PIR: variants seen among roughly 807,000 people sequenced by gnomAD.
PIR encodes pirin (iron-binding nuclear protein).
A neutral mutation model predicts 24.2 loss-of-function variants in PIR; 22 were observed. The observed-to-expected ratio is 0.91, with a 90% CI of 0.65 to 1.30. PIR has a LOEUF of 1.30. Among genes scored for constraint, PIR ranks in the 50% most tolerant of loss-of-function variants. PIR has a pLI of 0.00. For synonymous variants in PIR, 80 were observed against 79.6 expected (o/e 1.00, Z -0.03); for missense variants, 220 against 220.3 (o/e 1.00, Z 0.01).
intron 5 of PIR, among the ~76,000 whole-genome samples, chrX:15,431,514 T>C (rs188635270): frequency 1.4e-3 from 158 of 111,462 alleles, no homozygotes; most frequent in African/African-American, 4.9e-3. Flanking sequence ...TTCAACTCTT[T>C]ATGTGCTCTA....
At chrX:15,433,560 AAG>A (rs1165457148) in intron 5 of PIR, among the ~76,000 whole-genome samples, 8 of 100,780 alleles carry the variant, frequency 7.9e-5, no homozygotes, top group Admixed American at 1.1e-4. Flanking sequence ...GAAAGAAAGA[AAG>A]AGAGAGAAAG....
At chrX:15,390,423 G>A (rs1211669198) in intron 8 of PIR, among the ~76,000 whole-genome samples, 172 bp from the exon 9 acceptor site, 3 of 111,314 alleles carry the variant, frequency 2.7e-5, no homozygotes, top group East Asian at 2.8e-4. Context: ...TATTTCTTAC[G>A]TTGTTTAGTA....
intron 7 of PIR, among the ~76,000 whole-genome samples, chrX:15,404,892 C>T (rs1924506306): frequency 1.8e-5 from 2 of 111,430 alleles, no homozygotes; most frequent in African/African-American, 6.5e-5. Context: ...CTTCACAGTC[C>T]AGTTTATTCT....
intron 8 of PIR, among the ~76,000 whole-genome samples, chrX:15,394,834 G>T (rs1602241251): frequency 8.9e-6 from 1 of 111,966 alleles, no homozygotes; most frequent in Admixed American, 9.5e-5. Context: ...GGGAAACCTG[G>T]GGCAGAAAGA....
chrX:15,395,683 G>C (rs1053593330), intron 8 of PIR, among the ~76,000 whole-genome samples: 3 of 112,593 alleles, frequency 2.7e-5, no homozygotes, highest in Non-Finnish European at 5.6e-5. Context: ...CTAACAAGCA[G>C]TAAAGCCAAG....
chrX:15,448,622 C>T (rs1195190897), intron 5 of PIR, among the ~76,000 whole-genome samples: 1 of 112,157 alleles, frequency 8.9e-6, no homozygotes, highest in Non-Finnish European at 1.9e-5. Context: ...GGTTTTTCTC[C>T]ATCCCCATAT....
At chrX:15,412,756 T>C (rs1191054266) in intron 6 of PIR, among the ~76,000 whole-genome samples, 1 of 111,286 alleles carries the variant, frequency 9.0e-6, no homozygotes, top group African/African-American at 3.3e-5. Context: ...TCTTGGGGAG[T>C]GGGGAAACAA....
chrX:15,415,784 C>G (rs1210249777), intron 6 of PIR, among the ~76,000 whole-genome samples: 1 of 110,692 alleles, frequency 9.0e-6, no homozygotes, highest in Non-Finnish European at 1.9e-5. Flanking sequence ...ATTAAAAAAA[C>G]CATTCCAGGT....
chrX:15,418,020 C>T (rs1924984589), intron 6 of PIR, among the ~76,000 whole-genome samples: 1 of 111,669 alleles, frequency 9.0e-6, no homozygotes, highest in South Asian at 3.8e-4. Flanking sequence ...ATTTTGCCTA[C>T]CACAGAGGGG....
At chrX:15,422,770 G>T (rs756938649) in intron 6 of PIR, among the ~76,000 whole-genome samples, 9 of 111,808 alleles carry the variant, frequency 8.0e-5, no homozygotes, top group African/African-American at 2.6e-4. Context: ...GCAATGTACA[G>T]ATTCAATGCA....
intron 6 of PIR, among the ~76,000 whole-genome samples, chrX:15,413,792 T>C (rs748122999): frequency 8.9e-6 from 1 of 111,814 alleles, no homozygotes; most frequent in Non-Finnish European, 1.9e-5. Flanking sequence ...CAGAATAAAA[T>C]AGACTCAGAA....
chrX:15,471,883 T>G (rs1533322), intron 3 of PIR, among the ~76,000 whole-genome samples: 1 of 111,213 alleles, frequency 9.0e-6, no homozygotes, highest in African/African-American at 3.3e-5. Context: ...AGCTAGGCAA[T>G]GTGTTGTGGA....
At chrX:15,402,601 A>G (rs1924425186) in intron 7 of PIR, among the ~76,000 whole-genome samples, 1 of 111,425 alleles carries the variant, frequency 9.0e-6, no homozygotes, top group Non-Finnish European at 1.9e-5. Context: ...ATGTTGTAAA[A>G]TAGTAGATCT....
chrX:15,455,618 G>A (rs148148894), intron 5 of PIR, among the ~76,000 whole-genome samples: 2,599 of 112,249 alleles, frequency 0.023, 55 homozygotes, highest in Non-Finnish European at 0.03. Context: ...ATTGCTCCTC[G>A]ACCAAACTTT....
chrX:15,385,154 C>T, intron 9 of PIR, 38 bp from the exon 10 acceptor site: 2 of 669,765 alleles, frequency 3.0e-6, no homozygotes, highest in Non-Finnish European at 4.7e-6. Flanking sequence ...TTCTGGGTGG[C>T]AATATTTTCC....
chrX:15,384,973 G>A lies in PIR; in HGVS notation c.*31C>T, dbSNP rs776019280. On this transcript the variant is annotated 3_prime_UTR_variant, in exon 10 of 10. Coordinates refer to ENST00000380420, the MANE Select transcript of PIR (RefSeq NM_001018109.3). ...AATCTCAGAAATGGCAAAATTCTAG[G>A]ACACATCAAGACCTGCTCTTCCGCT... 1 of 801,752 alleles carries A rather than the reference G, an allele frequency of 1.2e-6. No homozygotes were observed. The highest frequency in any genetic ancestry group is 2.2e-5 in the South Asian group (1 of 46,161). The allele number at this position is 801,752 out of a possible 1,213,427, so 66.1% of individuals were successfully genotyped here. A position where few individuals can be genotyped will look rare whatever the true frequency, so the allele number is the denominator to read the frequency against.
chrX:15,423,428 CAACATGGTTA>C (rs1197052608), intron 6 of PIR, among the ~76,000 whole-genome samples: 1 of 111,637 alleles, frequency 9.0e-6, no homozygotes, highest in Non-Finnish European at 1.9e-5. Flanking sequence ...CCAGCCTGGC[CAACATGGTTA>C]AACCACATCT....
chrX:15,439,353 T>C (rs1221669061), intron 5 of PIR, among the ~76,000 whole-genome samples: 1 of 112,634 alleles, frequency 8.9e-6, no homozygotes, highest in African/African-American at 3.2e-5. Flanking sequence ...ATTGGTTACA[T>C]GTTGCAATGA....
intron 6 of PIR, among the ~76,000 whole-genome samples, chrX:15,412,834 T>C (rs1206844368): frequency 8.9e-6 from 1 of 112,146 alleles, no homozygotes; most frequent in Non-Finnish European, 1.9e-5. Context: ...TAAGCAACCA[T>C]GAAACAGCAA....
Sources: allele counts gnomAD v4.1 joint callset (sites outside exome capture counted in the v4.1 genomes callset), GRCh38; gene constraint gnomAD v4.1.1; transcripts MANE v1.5; gene names NCBI Gene and HGNC (gene_info 2026-07-23, HGNC 2026-07-21).